Variants in KIAA1549L observed in about 807,000 individuals in gnomAD.
The protein encoded by KIAA1549L is KIAA1549 like.
KIAA1549L carries 88 observed loss-of-function variants against 160.7 expected under a neutral mutation model. That is an observed-to-expected ratio of 0.55 (90% CI 0.46 to 0.65). The LOEUF (loss-of-function observed/expected upper bound fraction) is 0.65. Ranked by LOEUF, KIAA1549L falls within the 30% of genes least tolerant of loss-of-function variation. The pLI is 0.00. For synonymous variants in KIAA1549L, 950 were observed against 976.7 expected (o/e 0.97, Z 0.51); for missense variants, 2,258 against 2,437.5 (o/e 0.93, Z 1.55).
intron 16 of KIAA1549L, among the ~76,000 whole-genome samples, chr11:33,640,347 C>T (rs571502919): frequency 1.6e-3 from 239 of 152,280 alleles, no homozygotes; most frequent in Non-Finnish European, 2.9e-3. Context: ...TCTAAATTCC[C>T]TTAATTACTC....
At chr11:33,545,414 C>A in intron 3 of KIAA1549L, 36 bp downstream of exon 3, 1 of 1,568,658 alleles carries the variant, frequency 6.4e-7, no homozygotes, top group Non-Finnish European at 8.6e-7. Context: ...AAGCAGCAAG[C>A]CTGGCCTCAG....
intron 1 of KIAA1549L, among the ~76,000 whole-genome samples, chr11:33,447,648 A>ACACACACACAC (rs1565141335): frequency 1.8e-5 from 2 of 109,938 alleles, no homozygotes; most frequent in Non-Finnish European, 4.0e-5. Context: ...CACACACACA[A>ACACACACACAC]AATTTTAGCA....
chr11:33,393,420 G>A (rs1260001451), intron 1 of KIAA1549L, among the ~76,000 whole-genome samples: 2 of 152,140 alleles, frequency 1.3e-5, no homozygotes, highest in Non-Finnish European at 2.9e-5. Context: ...CTGTGAACTC[G>A]TCAGAGCAGT....
chr11:33,653,246 T>A (rs977389106), intron 17 of KIAA1549L, among the ~76,000 whole-genome samples: 4 of 152,336 alleles, frequency 2.6e-5, no homozygotes, highest in Admixed American at 1.3e-4. Flanking sequence ...GAAGATTTGG[T>A]TCCCTGAATG....
chr11:33,462,145 A>G lies in KIAA1549L; in HGVS notation c.239-79657A>G, dbSNP rs1178156142. On this transcript the variant is annotated intron_variant, in intron 1 of 20. Transcript: ENST00000658780. ...TTCTTTGCTGGAGAGTAGTACCCTG[A>G]GCTGTCTAATGAACCAGTTTCCAGT... is the stretch of plus-strand genomic sequence containing the variant. Among the ~76,000 whole-genome samples, 8 of 152,330 alleles carry G rather than the reference A, an allele frequency of 5.3e-5. No individual in the cohort carries two copies. In the East Asian group the frequency reaches 1.5e-3, roughly 29 times the overall value.
chr11:33,637,367 A>G (rs917600247), intron 16 of KIAA1549L, among the ~76,000 whole-genome samples: 1 of 152,122 alleles, frequency 6.6e-6, no homozygotes, highest in Non-Finnish European at 1.5e-5. Context: ...ATAAATTCCA[A>G]TCACATTTCT....
chr11:33,540,711 T>G (rs968777597), intron 1 of KIAA1549L, among the ~76,000 whole-genome samples: 11 of 152,192 alleles, frequency 7.2e-5, no homozygotes, highest in African/African-American at 2.7e-4. Flanking sequence ...TATATGCATT[T>G]TATCACTTAT....
chr11:33,525,411 G>C (rs1459268729), intron 1 of KIAA1549L, among the ~76,000 whole-genome samples: 1 of 152,120 alleles, frequency 6.6e-6, no homozygotes, highest in Non-Finnish European at 1.5e-5. Context: ...GAACCCTATA[G>C]GGTCTTCCTA....
At chr11:33,623,305 A>G (rs1317315906) in intron 16 of KIAA1549L, among the ~76,000 whole-genome samples, 1 of 152,090 alleles carries the variant, frequency 6.6e-6, no homozygotes, top group Non-Finnish European at 1.5e-5. Flanking sequence ...TTCTAGAAGC[A>G]ACCTGCTTGT....
At chr11:33,625,699 T>G (rs920027940) in intron 16 of KIAA1549L, among the ~76,000 whole-genome samples, 11 of 152,120 alleles carry the variant, frequency 7.2e-5, no homozygotes, top group Admixed American at 1.3e-4. Flanking sequence ...TTTCTCCCAT[T>G]TTGTAGGTTG....
intron 20 of KIAA1549L, among the ~76,000 whole-genome samples, chr11:33,665,846 C>T (rs1852430131): frequency 6.6e-6 from 1 of 152,084 alleles, no homozygotes; most frequent in Non-Finnish European, 1.5e-5. Context: ...CAGAAGCAGA[C>T]ACCCCCAAGC....
intron 1 of KIAA1549L, among the ~76,000 whole-genome samples, chr11:33,508,058 G>T (rs1022843953): frequency 6.6e-6 from 1 of 152,172 alleles, no homozygotes; most frequent in Non-Finnish European, 1.5e-5. Context: ...TGCTGCTGTA[G>T]CCAGGGTCCC....
chr11:33,381,784 C>A (rs1850078574), intron 1 of KIAA1549L, among the ~76,000 whole-genome samples: 1 of 152,010 alleles, frequency 6.6e-6, no homozygotes, highest in Non-Finnish European at 1.5e-5. Context: ...AGGGTGGTAG[C>A]AGAAGTGGTT....
At chr11:33,423,534 C>G (rs531314582) in intron 1 of KIAA1549L, among the ~76,000 whole-genome samples, 4 of 152,198 alleles carry the variant, frequency 2.6e-5, no homozygotes, top group East Asian at 1.9e-4. Flanking sequence ...TGATGATTAA[C>G]AGCAGAAACA....
chr11:33,646,250 T>C (rs1569763), intron 17 of KIAA1549L, among the ~76,000 whole-genome samples: 94,087 of 152,096 alleles, frequency 0.62, 29,114 homozygotes, highest in East Asian at 0.72. Flanking sequence ...AATCCCTTCT[T>C]TCCAGCCATA....
At chr11:33,509,042 C>T (rs1853162503) in intron 1 of KIAA1549L, among the ~76,000 whole-genome samples, 1 of 152,122 alleles carries the variant, frequency 6.6e-6, no homozygotes, top group African/African-American at 2.4e-5. Flanking sequence ...TGGGTTTTGC[C>T]ACCTTTTCTG....
intron 1 of KIAA1549L, among the ~76,000 whole-genome samples, chr11:33,467,054 C>A (rs1211445953): frequency 6.6e-6 from 1 of 152,134 alleles, no homozygotes; most frequent in African/African-American, 2.4e-5. Flanking sequence ...ACCAACCTGG[C>A]ACACGTATAC....
intron 19 of KIAA1549L, among the ~76,000 whole-genome samples, chr11:33,659,452 T>C (rs1247168661): frequency 6.6e-6 from 1 of 152,234 alleles, no homozygotes; most frequent in Admixed American, 6.5e-5. Context: ...AACTGCCATG[T>C]GGTATTCTAT....
At chr11:33,584,904 C>T (rs557658119) in intron 11 of KIAA1549L, among the ~76,000 whole-genome samples, 10 of 152,320 alleles carry the variant, frequency 6.6e-5, no homozygotes, top group South Asian at 2.1e-4. Context: ...AGTGAGGCAA[C>T]GCCTCACATT....
Sources: gnomAD v4.1 joint callset for allele counts (sites outside exome capture counted in the v4.1 genomes callset) on GRCh38, gnomAD v4.1.1 for gene constraint, MANE v1.5 for transcripts, NCBI Gene and HGNC (gene_info 2026-07-23, HGNC 2026-07-21) for gene names.